The following CNTN1 variants were observed in gnomAD, a reference collection of about 807,000 sequenced individuals.
CNTN1 encodes contactin 1, also known as contactin-1.
A neutral mutation model predicts 126.4 loss-of-function variants in CNTN1; 38 were observed. The observed-to-expected ratio is 0.30, with a 90% CI of 0.23 to 0.39. The LOEUF (loss-of-function observed/expected upper bound fraction) is 0.39, where lower values mean the gene tolerates loss of function less well. Ranked by LOEUF, CNTN1 falls within the 10% of genes least tolerant of loss-of-function variation. The probability of loss-of-function intolerance (pLI) is 1.00; values close to 1 mark genes in which losing one functional copy is unlikely to be tolerated. For missense variants in CNTN1, 1,009 were observed against 1,248.4 expected (o/e 0.81, Z 2.89); for synonymous variants, 413 against 422.6 (o/e 0.98, Z 0.28).
chr12:40,960,622 G>C (rs183009225), intron 15 of CNTN1, among the ~76,000 whole-genome samples: 301 of 152,130 alleles, frequency 2.0e-3, no homozygotes, highest in African/African-American at 7.2e-3. Flanking sequence ...AATGAACTTG[G>C]AAATACATTC....
At chr12:41,007,838 T>C (rs775280439) in intron 17 of CNTN1, among the ~76,000 whole-genome samples, 5 of 152,204 alleles carry the variant, frequency 3.3e-5, no homozygotes, top group African/African-American at 4.8e-5. Context: ...AGTCCTTACT[T>C]CCTGCCAGCA....
In CNTN1 at chr12:40,994,220, T is replaced by C. The variant is rs184610837; in HGVS notation, c.2113+951T>C. Among the ~76,000 whole-genome samples the C allele has an allele frequency of 3.4e-3, 521 of 152,210 alleles. 2 individuals are homozygous for C. The highest frequency in any genetic ancestry group is 0.012 in the African/African-American group (486 of 41,564). ...AAAGAAGGAGGGAGGCCTACATCTA[T>C]TATCAGTGTCAAAGAAAGTATCCTT... On this transcript the variant is annotated intron_variant, in intron 17 of 23. Transcript: ENST00000551295.
intron 1 of CNTN1, among the ~76,000 whole-genome samples, chr12:40,754,981 G>GC (rs1237519622): frequency 1.3e-5 from 2 of 151,840 alleles, no homozygotes; most frequent in East Asian, 3.9e-4. Context: ...TATCCCTGGA[G>GC]CCCAGTCATG....
In CNTN1 at chr12:41,070,473, CT is replaced by C. The variant is rs1281892875; in HGVS notation, c.*439del. 4.6e-6 allele frequency: 1 copy of C among 217,968 alleles called. No individual in the cohort carries two copies. 13.5% of individuals were successfully genotyped at this position (217,968 alleles called of 1,614,324 possible). ...GTGGTAAATGTAAGAGTAATACAGT[CT>C]CTTGTACTTTCCTCACTGTTTTGGG... is the stretch of plus-strand genomic sequence containing the variant. On this transcript the variant is annotated 3_prime_UTR_variant, in exon 24 of 24. Transcript: ENST00000551295.
At chr12:40,765,862 C>A (rs1565704511) in intron 1 of CNTN1, among the ~76,000 whole-genome samples, 1 of 152,152 alleles carries the variant, frequency 6.6e-6, no homozygotes, top group African/African-American at 2.4e-5. Flanking sequence ...ATGTTTTAAG[C>A]TTTGATGGAG....
At chr12:41,049,478 A>T (rs1949624326) in intron 23 of CNTN1, among the ~76,000 whole-genome samples, 1 of 152,228 alleles carries the variant, frequency 6.6e-6, no homozygotes, top group South Asian at 2.1e-4. Flanking sequence ...CATTCATTTC[A>T]TCAAGAAATC....
At chr12:40,730,957 A>G (rs1393371581) in intron 1 of CNTN1, among the ~76,000 whole-genome samples, 1 of 152,162 alleles carries the variant, frequency 6.6e-6, no homozygotes, top group African/African-American at 2.4e-5. Flanking sequence ...ATGACTATCA[A>G]AAAAGATATT....
At chr12:40,927,466 A>G (rs1014022014) in intron 6 of CNTN1, among the ~76,000 whole-genome samples, 1 of 151,840 alleles carries the variant, frequency 6.6e-6, no homozygotes, top group African/African-American at 2.4e-5. Context: ...AGGTGAGAAC[A>G]TCAGTTCTGC....
rs896129454 is a variant in CNTN1, at chr12:40,939,335, C to T, written c.1229C>T (p.Ala410Val). 5 of 1,613,514 alleles carry T rather than the reference C, an allele frequency of 3.1e-6. No homozygotes were observed. Among genetic ancestry groups the T allele is most frequent in the Admixed American group, 3.3e-5 (2 of 59,906 alleles). Residue 410 changes from alanine to valine, a missense_variant and splice_region_variant, in exon 12 of 24, where the codon GCG becomes GTG. Ala to Val is a moderately conservative substitution (Grantham distance 64). Coordinates refer to ENST00000551295, the MANE Select transcript of CNTN1 (RefSeq NM_001843.4). The part of the protein sequence containing the change: ...IYANAELKIL[A>V]LAPTFEMNPM... ...AGATAACAATTTGTTTTCTTTTTAG[C>T]GTTGGCTCCAACTTTTGAAATGAAT...
intron 3 of CNTN1, among the ~76,000 whole-genome samples, chr12:40,913,022 T>A (rs1254172873): frequency 6.6e-6 from 1 of 152,116 alleles, no homozygotes; most frequent in Non-Finnish European, 1.5e-5. Flanking sequence ...CAGAGGTGGG[T>A]CACAGGACAA....
chr12:40,774,773 T>A (rs1939511713), intron 1 of CNTN1, among the ~76,000 whole-genome samples: 1 of 151,422 alleles, frequency 6.6e-6, no homozygotes, highest in Admixed American at 6.6e-5. Flanking sequence ...GGCCTTTTTT[T>A]TTTATTACCT....
intron 1 of CNTN1, among the ~76,000 whole-genome samples, chr12:40,834,368 T>A (rs1941967223): frequency 6.6e-6 from 1 of 152,216 alleles, no homozygotes; most frequent in South Asian, 2.1e-4. Context: ...AATAGCCCTT[T>A]GAGAAATAAA....
At chr12:40,716,197 G>A (rs557675263) in intron 1 of CNTN1, among the ~76,000 whole-genome samples, 1 of 151,118 alleles carries the variant, frequency 6.6e-6, no homozygotes, top group South Asian at 2.1e-4. Flanking sequence ...TCCTTGCAAG[G>A]GTACTAGATG....
intron 5 of CNTN1, 21 bp from the exon 6 acceptor site, chr12:40,924,536 C>G: frequency 1.5e-6 from 2 of 1,325,286 alleles, no homozygotes. Context: ...GAATGTTTCT[C>G]TTTTTTTCTT....
intron 20 of CNTN1, among the ~76,000 whole-genome samples, chr12:41,021,347 C>T (rs1948905376): frequency 4.6e-5 from 7 of 151,854 alleles, no homozygotes; most frequent in Admixed American, 4.6e-4. Flanking sequence ...CTCCACCCAC[C>T]CCACTCCCCC....
intron 1 of CNTN1, among the ~76,000 whole-genome samples, chr12:40,730,252 G>C (rs990335783): frequency 6.6e-6 from 1 of 152,252 alleles, no homozygotes; most frequent in African/African-American, 2.4e-5. Flanking sequence ...GTAGTACACT[G>C]CTATGCCAAA....
chr12:40,767,739 C>A (rs561400737), intron 1 of CNTN1, among the ~76,000 whole-genome samples: 2 of 152,062 alleles, frequency 1.3e-5, no homozygotes, highest in Non-Finnish European at 2.9e-5. Flanking sequence ...GTCTACTGAC[C>A]TTTCTTTATA....
At chr12:40,940,273 G>A (rs7314287) in intron 12 of CNTN1, among the ~76,000 whole-genome samples, 75,581 of 151,722 alleles carry the variant, frequency 0.5, 18,893 homozygotes, top group Middle Eastern at 0.6. Context: ...GTAAGAAATT[G>A]CAGAAACTGA....
intron 1 of CNTN1, among the ~76,000 whole-genome samples, chr12:40,861,360 A>T (rs1162177130): frequency 2.0e-5 from 3 of 152,156 alleles, no homozygotes; most frequent in Admixed American, 1.3e-4. Flanking sequence ...TTTAGAAAAA[A>T]ATACATACTC....
Sources: allele counts gnomAD v4.1 joint callset (sites outside exome capture counted in the v4.1 genomes callset), GRCh38; gene constraint gnomAD v4.1.1; transcripts MANE v1.5; gene names NCBI Gene and HGNC (gene_info 2026-07-23, HGNC 2026-07-21).